Variants in NTRK2 observed in about 807,000 individuals in gnomAD.
The protein encoded by NTRK2 is neurotrophic receptor tyrosine kinase 2, also known as BDNF/NT-3 growth factors receptor.
NTRK2 carries 13 observed loss-of-function variants against 94.5 expected under a neutral mutation model. That is an observed-to-expected ratio of 0.14 (90% confidence interval 0.09 to 0.22). The LOEUF (loss-of-function observed/expected upper bound fraction) is 0.22, where lower values mean the gene tolerates loss of function less well. Among genes scored for constraint, NTRK2 ranks in the 10% least tolerant of loss-of-function variants. The pLI, the probability that NTRK2 is intolerant of heterozygous loss-of-function variation, is 1.00. For synonymous variants in NTRK2, 372 were observed against 407.4 expected (o/e 0.91, Z 1.05); for missense variants, 639 against 1,071.2 (o/e 0.60, Z 5.63).
chr9:84,771,179 A>G (rs150253112), intron 12 of NTRK2, among the ~76,000 whole-genome samples: 2 of 152,344 alleles, frequency 1.3e-5, no homozygotes, highest in East Asian at 3.9e-4. Flanking sequence ...TAGAAACACA[A>G]AATTATTCAG....
chr9:84,746,525 A>AT (rs75250684), intron 11 of NTRK2, among the ~76,000 whole-genome samples: 3,943 of 152,020 alleles, frequency 0.026, 75 homozygotes, highest in Admixed American at 0.046. Flanking sequence ...AGATCAGATC[A>AT]TTTTTTTTGT....
chr9:84,840,990 A>G (rs2074151286), intron 12 of NTRK2, among the ~76,000 whole-genome samples: 1 of 152,068 alleles, frequency 6.6e-6, no homozygotes, highest in African/African-American at 2.4e-5. Context: ...TTTTCCTTCT[A>G]CATGGGTAGT....
intron 2 of NTRK2, among the ~76,000 whole-genome samples, chr9:84,681,115 A>T (rs1210438859): frequency 6.6e-6 from 1 of 152,136 alleles, no homozygotes; most frequent in African/African-American, 2.4e-5. Context: ...TACTTATGTT[A>T]CCTTCTTTGT....
At chr9:84,844,497 G>A (rs2131821686) in intron 12 of NTRK2, among the ~76,000 whole-genome samples, 1 of 152,208 alleles carries the variant, frequency 6.6e-6, no homozygotes, top group Non-Finnish European at 1.5e-5. Context: ...ATGTTTCTGG[G>A]TAACTTTCAT....
At chr9:84,833,707 C>T (rs2073708937) in intron 12 of NTRK2, among the ~76,000 whole-genome samples, 1 of 152,114 alleles carries the variant, frequency 6.6e-6, no homozygotes, top group Middle Eastern at 3.2e-3. Context: ...GTGTCCAATC[C>T]ATTCTTACTC....
chr9:84,774,035 G>T (rs958858776), intron 12 of NTRK2, among the ~76,000 whole-genome samples: 2 of 152,114 alleles, frequency 1.3e-5, no homozygotes, highest in Admixed American at 6.6e-5. Context: ...GTGCCTTCCT[G>T]CCCTCCCCTA....
intron 12 of NTRK2, among the ~76,000 whole-genome samples, chr9:84,853,714 C>A (rs552348865): frequency 1.6e-4 from 25 of 152,128 alleles, no homozygotes; most frequent in Admixed American, 3.9e-4. Flanking sequence ...ACCCCCTGCC[C>A]GTGTCCTCTC....
intron 2 of NTRK2, among the ~76,000 whole-genome samples, chr9:84,674,083 C>T (rs1350591356): frequency 6.6e-6 from 1 of 151,696 alleles, no homozygotes; most frequent in East Asian, 1.9e-4. Flanking sequence ...TGGTAAAAGG[C>T]ACAGTCAAAA....
rs1832788101 is a variant in NTRK2 at position 85,021,681 on chromosome 9, C to T, written c.*244C>T. On this transcript the variant is annotated 3_prime_UTR_variant, in exon 19 of 19. Coordinates refer to ENST00000277120, the MANE Select transcript of NTRK2 (RefSeq NM_006180.6). ...CCATCTCCCTTGGTTGTTCCTTTTT[C>T]TTTTTTTAAATTTTCTTTTTCTTTT... 1 of 539,414 alleles carries T rather than the reference C, an allele frequency of 1.9e-6. No homozygotes were observed. The highest frequency in any genetic ancestry group is 3.3e-6 in the Non-Finnish European group (1 of 306,258). The allele number at this position is 539,414 out of a possible 1,614,324, so 33.4% of individuals were successfully genotyped here.
chr9:84,955,647 C>A, intron 17 of NTRK2, 130 bp downstream of exon 17: 1 of 811,982 alleles, frequency 1.2e-6, no homozygotes, highest in Non-Finnish European at 2.1e-6. Flanking sequence ...ATGTGTTTCT[C>A]ATGGCTCTGG....
At chr9:84,982,198 C>A (rs951087731) in intron 17 of NTRK2, among the ~76,000 whole-genome samples, 3 of 152,160 alleles carry the variant, frequency 2.0e-5, no homozygotes, top group African/African-American at 7.2e-5. Context: ...TGGCCTTTAG[C>A]TAGGGTTGCT....
intron 12 of NTRK2, among the ~76,000 whole-genome samples, chr9:84,775,874 A>C (rs1318395484): frequency 6.6e-6 from 1 of 152,172 alleles, no homozygotes; most frequent in Non-Finnish European, 1.5e-5. Context: ...ATTTTAATGA[A>C]ATTCTCAGGT....
chr9:84,906,697 T>C (rs1587891216), intron 14 of NTRK2, among the ~76,000 whole-genome samples: 1 of 152,156 alleles, frequency 6.6e-6, no homozygotes, highest in Non-Finnish European at 1.5e-5. Flanking sequence ...TAGTGGATGG[T>C]AATGATTCCA....
At chr9:84,924,846 T>C (rs945989074) in intron 14 of NTRK2, among the ~76,000 whole-genome samples, 7 of 152,296 alleles carry the variant, frequency 4.6e-5, no homozygotes, top group African/African-American at 1.7e-4. Context: ...GAAAGGGCCA[T>C]TTGCTGGCAT....
chr9:85,013,917 C>A (rs1284113515), intron 17 of NTRK2, among the ~76,000 whole-genome samples: 1 of 152,180 alleles, frequency 6.6e-6, no homozygotes, highest in African/African-American at 2.4e-5. Context: ...CATCATTGGT[C>A]TTTGCTAGGT....
intron 7 of NTRK2, among the ~76,000 whole-genome samples, 176 bp downstream of exon 7, chr9:84,723,885 C>T (rs922916928): frequency 3.9e-5 from 6 of 152,198 alleles, no homozygotes; most frequent in African/African-American, 4.8e-5. Context: ...AAGACTAATG[C>T]AGGCTTGCAT....
intron 12 of NTRK2, among the ~76,000 whole-genome samples, chr9:84,843,297 T>A (rs551207275): frequency 6.6e-6 from 1 of 152,182 alleles, no homozygotes; most frequent in Non-Finnish European, 1.5e-5. Context: ...GAATGAGGCA[T>A]GCGACCTGTG....
intron 2 of NTRK2, among the ~76,000 whole-genome samples, chr9:84,689,338 G>T (rs1359266095): frequency 6.6e-6 from 1 of 152,150 alleles, no homozygotes; most frequent in Non-Finnish European, 1.5e-5. Flanking sequence ...GTGCTTAGCT[G>T]ATTGGGACAT....
At position 84,670,731 on chromosome 9, in the gene NTRK2, T is replaced by C; in HGVS notation, c.-18T>C. ...GCAGCGCGGGGACAGGCACTCGGGCTGGCACTGGCTGCTAGGGATGTCGTC... is the reference window on the plus strand; with the variant it reads ...GCAGCGCGGGGACAGGCACTCGGGCCGGCACTGGCTGCTAGGGATGTCGTC... On this transcript the variant is annotated 5_prime_UTR_variant, in exon 2 of 19. Coordinates refer to ENST00000277120, the MANE Select transcript of NTRK2 (RefSeq NM_006180.6). 6.2e-7 allele frequency: 1 copy of C among 1,610,800 alleles called. No individual in the cohort carries two copies. The highest frequency in any genetic ancestry group is 1.3e-5 in the African/African-American group (1 of 75,012).
Sources: gnomAD v4.1 joint callset for allele counts (sites outside exome capture counted in the v4.1 genomes callset) on GRCh38, gnomAD v4.1.1 for gene constraint, MANE v1.5 for transcripts, NCBI Gene and HGNC (gene_info 2026-07-23, HGNC 2026-07-21) for gene names.